The following GRM8 variants were observed in gnomAD, a reference collection of about 807,000 sequenced individuals.
The protein encoded by GRM8 is glutamate metabotropic receptor 8.
GRM8 carries 47 observed loss-of-function variants against 87.2 expected under a neutral mutation model. The observed-to-expected ratio is 0.54, with a 90% CI of 0.43 to 0.69. The LOEUF (loss-of-function observed/expected upper bound fraction) is 0.69, where lower values mean the gene tolerates loss of function less well. Among genes scored for constraint, GRM8 ranks in the 30% least tolerant of loss-of-function variants. The pLI, the probability that GRM8 is intolerant of heterozygous loss-of-function variation, is 0.00. For synonymous variants in GRM8, 396 were observed against 404.5 expected (o/e 0.98, Z 0.25); for missense variants, 1,019 against 1,139.2 (o/e 0.89, Z 1.52).
At chr7:126,931,419 T>C (rs747822784) in intron 3 of GRM8, among the ~76,000 whole-genome samples, 6 of 152,160 alleles carry the variant, frequency 3.9e-5, no homozygotes, top group Non-Finnish European at 7.3e-5. Context: ...CTTTATAAAA[T>C]TGCACTGAGC....
intron 2 of GRM8, among the ~76,000 whole-genome samples, chr7:127,135,856 T>C (rs1283705889): frequency 6.6e-6 from 1 of 152,148 alleles, no homozygotes; most frequent in African/African-American, 2.4e-5. Context: ...ATTATTTCAT[T>C]AGATAGTAAT....
intron 2 of GRM8, among the ~76,000 whole-genome samples, chr7:127,167,003 A>T (rs1162873052): frequency 3.3e-5 from 5 of 152,108 alleles, no homozygotes; most frequent in Non-Finnish European, 7.4e-5. Flanking sequence ...GCATGAGTTG[A>T]ATTAAATTGA....
At chr7:126,630,282 G>T (rs1427921224) in intron 7 of GRM8, among the ~76,000 whole-genome samples, 4 of 151,928 alleles carry the variant, frequency 2.6e-5, no homozygotes, top group African/African-American at 7.3e-5. Flanking sequence ...TGTGACCAAG[G>T]CTGTCATCAG....
intron 8 of GRM8, among the ~76,000 whole-genome samples, chr7:126,587,931 AAGAAC>A (rs1161996949): frequency 6.6e-6 from 1 of 152,032 alleles, no homozygotes; most frequent in African/African-American, 2.4e-5. Flanking sequence ...AAGAAAAAGA[AAGAAC>A]AGTCACTAAG....
intron 8 of GRM8, among the ~76,000 whole-genome samples, chr7:126,582,567 C>T (rs959045675): frequency 6.6e-6 from 1 of 152,152 alleles, no homozygotes; most frequent in African/African-American, 2.4e-5. Context: ...AAACAGCCTT[C>T]TATTGGAAGA....
At chr7:126,461,266 C>A (rs1803868618) in intron 9 of GRM8, among the ~76,000 whole-genome samples, 1 of 151,558 alleles carries the variant, frequency 6.6e-6, no homozygotes, top group Admixed American at 6.6e-5. Context: ...TTCCACTGAA[C>A]CAACTAGAAT....
At chr7:126,715,183 G>C (rs1383860985) in intron 7 of GRM8, among the ~76,000 whole-genome samples, 2 of 152,128 alleles carry the variant, frequency 1.3e-5, no homozygotes, top group South Asian at 2.1e-4. Context: ...ATGCAAGAAC[G>C]TTGACACATC....
chr7:126,650,974 C>T lies in GRM8; in HGVS notation c.1358-41476G>A, dbSNP rs569612882. On this transcript the variant is annotated intron_variant, in intron 7 of 10. Transcript: ENST00000339582. ...GCCAGAAGCAGAGACTGATGCTGAGCCCTCAATATGGCACCATTCCTTGAG... is the reference window on the plus strand; with the variant it reads ...GCCAGAAGCAGAGACTGATGCTGAGTCCTCAATATGGCACCATTCCTTGAG... Among the ~76,000 whole-genome samples the T allele has an allele frequency of 7.9e-5, 12 of 152,196 alleles. 1 individual carries two copies. Among genetic ancestry groups the T allele is most frequent in the Admixed American group, 7.9e-4 (12 of 15,280 alleles).
chr7:126,862,423 C>T (rs1481680729), intron 6 of GRM8, among the ~76,000 whole-genome samples: 1 of 151,800 alleles, frequency 6.6e-6, no homozygotes, highest in Non-Finnish European at 1.5e-5. Context: ...TTAAATGATT[C>T]TTATATACAA....
intron 3 of GRM8, among the ~76,000 whole-genome samples, chr7:126,981,975 T>G (rs1811582435): frequency 6.6e-6 from 1 of 152,144 alleles, no homozygotes; most frequent in African/African-American, 2.4e-5. Context: ...TACATCTATA[T>G]CTATATCTAT....
intron 2 of GRM8, among the ~76,000 whole-genome samples, chr7:127,155,478 G>C (rs1280964589): frequency 2.6e-5 from 4 of 152,156 alleles, no homozygotes; most frequent in Non-Finnish European, 5.9e-5. Flanking sequence ...GGAGGTCAAA[G>C]AGATATATTG....
At chr7:126,995,573 G>C (rs1373685893) in intron 3 of GRM8, among the ~76,000 whole-genome samples, 1 of 152,164 alleles carries the variant, frequency 6.6e-6, no homozygotes. Context: ...ATGTATTGAA[G>C]AATGTCTTAG....
At chr7:127,054,489 G>A (rs764519149) in intron 3 of GRM8, among the ~76,000 whole-genome samples, 29 of 152,222 alleles carry the variant, frequency 1.9e-4, no homozygotes, top group Non-Finnish European at 4.0e-4. Flanking sequence ...GTTATAAAAT[G>A]CAGTCAATAA....
chr7:126,770,975 G>C (rs953742748), intron 6 of GRM8, among the ~76,000 whole-genome samples: 1 of 151,740 alleles, frequency 6.6e-6, no homozygotes, highest in African/African-American at 2.4e-5. Context: ...AAGAATGTTG[G>C]GCATACAAGA....
intron 3 of GRM8, among the ~76,000 whole-genome samples, chr7:127,030,892 G>T (rs192949861): frequency 1.3e-5 from 2 of 152,156 alleles, no homozygotes; most frequent in African/African-American, 4.8e-5. Flanking sequence ...AATGTTACAT[G>T]GTTTCCAGAC....
intron 8 of GRM8, among the ~76,000 whole-genome samples, chr7:126,587,301 A>G (rs1796238415): frequency 6.6e-6 from 1 of 152,200 alleles, no homozygotes; most frequent in African/African-American, 2.4e-5. Context: ...TAGAAATACC[A>G]TTTGACCCAG....
chr7:127,097,528 T>G (rs1232135039), intron 3 of GRM8, among the ~76,000 whole-genome samples: 3 of 152,184 alleles, frequency 2.0e-5, no homozygotes, highest in Non-Finnish European at 4.4e-5. Flanking sequence ...ATTTCAAATA[T>G]CCTGCACACC....
chr7:127,123,370 G>A (rs1462601419), intron 2 of GRM8, among the ~76,000 whole-genome samples: 2 of 152,042 alleles, frequency 1.3e-5, no homozygotes, highest in Admixed American at 6.6e-5. Context: ...TCCTGAATAC[G>A]CTAATGCCCT....
At chr7:126,641,795 A>C (rs1418696499) in intron 7 of GRM8, among the ~76,000 whole-genome samples, 1 of 152,142 alleles carries the variant, frequency 6.6e-6, no homozygotes, top group Non-Finnish European at 1.5e-5. Flanking sequence ...GGATTTGGAA[A>C]GGTAAAATGG....
Sources: allele counts gnomAD v4.1 joint callset (sites outside exome capture counted in the v4.1 genomes callset), GRCh38; gene constraint gnomAD v4.1.1; transcripts MANE v1.5; gene names NCBI Gene and HGNC (gene_info 2026-07-23, HGNC 2026-07-21).